The following GSE1 variants were observed in gnomAD, a reference collection of about 807,000 sequenced individuals.
GSE1 encodes the protein genetic suppressor element 1.
A neutral mutation model predicts 112.6 loss-of-function variants in GSE1; 32 were observed. The ratio of observed to expected loss-of-function variants is 0.28; its 90% CI spans 0.21 to 0.38. The LOEUF (loss-of-function observed/expected upper bound fraction) is 0.38, where lower values mean the gene tolerates loss of function less well. Ranked by LOEUF, GSE1 falls within the 10% of genes least tolerant of loss-of-function variation. The pLI is 1.00. For missense variants in GSE1, 2,348 were observed against 1,699.2 expected (o/e 1.38, Z -6.71); for synonymous variants, 1,115 against 735.6 (o/e 1.52, Z -8.35).
rs2053282994 is a variant in GSE1, at chr16:85,670,997, C to G, written c.3418C>G (p.Gln1140Glu). The G allele has an allele frequency of 6.2e-7, 1 of 1,601,948 alleles. No homozygotes were observed. Among genetic ancestry groups the G allele is most frequent in the Non-Finnish European group, 8.6e-7 (1 of 1,169,348 alleles). The change falls in exon 15 of 16, where the codon CAA (glutamine) becomes GAA (glutamate). Residue 1140 changes from glutamine (Q) to glutamate (E), a missense_variant and splice_region_variant. Transcript: ENST00000253458. ...FEAYQEHIEE[Q>E]NLERQVLQTQ... ...ATCACCATCTCCTGTCTTTTCAGAG[C>G]AAAATCTGGAGCGGCAGGTGTTACA... is the stretch of plus-strand genomic sequence containing the variant.
chr16:85,210,967 T>C (rs2075214562), intron 1 of GSE1, among the ~76,000 whole-genome samples: 1 of 152,244 alleles, frequency 6.6e-6, no homozygotes, highest in Non-Finnish European at 1.5e-5. Context: ...AGATGATCTT[T>C]GGGCCAGGAA....
intron 2 of GSE1, among the ~76,000 whole-genome samples, chr16:85,365,756 C>A (rs57577797): frequency 6.6e-6 from 1 of 152,252 alleles, no homozygotes; most frequent in African/African-American, 2.4e-5. Context: ...TCTCTCTCTT[C>A]TAGCCATGTG....
At chr16:85,222,587 T>A (rs1331117615) in intron 1 of GSE1, among the ~76,000 whole-genome samples, 3 of 152,210 alleles carry the variant, frequency 2.0e-5, no homozygotes, top group African/African-American at 7.2e-5. Context: ...CCAGCAGCCA[T>A]GCACCAACAT....
chr16:85,670,272 C>G (rs1435218239), intron 14 of GSE1, among the ~76,000 whole-genome samples: 1 of 152,198 alleles, frequency 6.6e-6, no homozygotes, highest in African/African-American at 2.4e-5. Context: ...ATTGTCTTGT[C>G]ACTCCAGTGC....
intron 1 of GSE1, among the ~76,000 whole-genome samples, chr16:85,557,127 T>C (rs1467911511): frequency 6.6e-6 from 1 of 152,052 alleles, no homozygotes; most frequent in African/African-American, 2.4e-5. Flanking sequence ...AAGTGTAGGC[T>C]ACATGGAAGC....
chr16:85,226,497 C>G (rs1378098665), intron 1 of GSE1, among the ~76,000 whole-genome samples: 1 of 152,222 alleles, frequency 6.6e-6, no homozygotes, highest in African/African-American at 2.4e-5. Context: ...CAGCATGTGA[C>G]TCTGCAGCCA....
chr16:85,583,498 G>GCCCCCCCCCC (rs1264093424), intron 1 of GSE1: 1 of 150,544 alleles, frequency 6.6e-6, no homozygotes, highest in African/African-American at 2.5e-5. Context: ...TTCCAGGACC[G>GCCCCCCCCCC]CCCCCCACCC....
At position 85,317,798 on chromosome 16, in the gene GSE1, G is replaced by A. The variant is rs543314952; in HGVS notation, c.2284-39665G>A. Reference sequence around the variant, plus strand: ...ATCCAGCACTCCCCTCCTAAGTGTGGGACCTGAGCTCTGAGCTCAGCTCCT... The same window carrying A: ...ATCCAGCACTCCCCTCCTAAGTGTGAGACCTGAGCTCTGAGCTCAGCTCCT... On this transcript the variant is annotated intron_variant, in intron 1 of 2. Transcript: ENST00000637419. Among the ~76,000 whole-genome samples the A allele has an allele frequency of 3.3e-5, 5 of 152,280 alleles. No homozygotes were observed. The South Asian group carries it at 1.0e-3, about 32-fold the overall frequency.
chr16:85,356,140 C>G (rs2151569289), intron 1 of GSE1, among the ~76,000 whole-genome samples: 1 of 152,366 alleles, frequency 6.6e-6, no homozygotes, highest in African/African-American at 2.4e-5. Flanking sequence ...GTTGGTCATT[C>G]CAAGTTCCAT....
rs968970956 is a variant in GSE1 at position 85,419,876 on chromosome 16, T to C, written c.2464+62233T>C. Among the ~76,000 whole-genome samples the C allele has an allele frequency of 2.0e-5, 3 of 151,728 alleles. No homozygotes were observed. The highest frequency in any genetic ancestry group is 2.9e-5 in the Non-Finnish European group (2 of 67,952). On this transcript the variant is annotated intron_variant, in intron 2 of 2. Transcript: ENST00000637419. This position sits in a 1 kb window ranked among gnomAD's most constrained non-coding sequence, Gnocchi z 6.5. ...GGCAGCCAGGGCTGACCACCACTGC[T>C]CTGGGAGGGTCAGAGTCGGGGGGAC...
At chr16:85,385,878 C>T (rs1422144910) in intron 2 of GSE1, among the ~76,000 whole-genome samples, 6 of 152,174 alleles carry the variant, frequency 3.9e-5, no homozygotes, top group Admixed American at 6.5e-5. Flanking sequence ...CAGCTTGAGA[C>T]GGGGCGTGCA....
chr16:85,355,763 A>G (rs956231968), intron 1 of GSE1, among the ~76,000 whole-genome samples: 6 of 152,192 alleles, frequency 3.9e-5, no homozygotes, highest in Non-Finnish European at 7.4e-5. Flanking sequence ...GCTCACACCT[A>G]TAATCCCAGC....
At chr16:85,402,779 G>A (rs952655806) in intron 2 of GSE1, among the ~76,000 whole-genome samples, 4 of 152,042 alleles carry the variant, frequency 2.6e-5, no homozygotes, top group East Asian at 1.9e-4. Context: ...AAAGTTATCC[G>A]GGTGTGGCTC....
chr16:85,661,803 G>A (rs1450599343), intron 9 of GSE1, 38 bp downstream of exon 9: 13 of 1,457,774 alleles, frequency 8.9e-6, no homozygotes, highest in Non-Finnish European at 8.2e-6. Context: ...CTCAGGGAGA[G>A]CCGCACAGTG....
intron 1 of GSE1, among the ~76,000 whole-genome samples, chr16:85,246,366 CA>C (rs1905752658): frequency 1.6e-5 from 2 of 126,260 alleles, no homozygotes; most frequent in Non-Finnish European, 3.3e-5. Context: ...CACACACACA[CA>C]CCACACGCTG....
rs772175137 is a variant in GSE1, at chr16:85,666,214, C to G, written c.2997C>G (p.Asp999Glu). The change falls in exon 13 of 16, where the codon GAC becomes GAG. Residue 999 changes from aspartate (D) to glutamate (E), a missense_variant. By Grantham distance (45) the Asp-to-Glu change is conservative. Transcript: ENST00000253458. ...LHYIRGAAPK[D>E]IPVPLSHSTN... ...ATATCCGGGGCGCTGCACCCAAGGACATTCCTGTGCCGCTGTCCCACAGCA... is the reference window on the plus strand; with the variant it reads ...ATATCCGGGGCGCTGCACCCAAGGAGATTCCTGTGCCGCTGTCCCACAGCA... 8 of 1,613,596 alleles carry G rather than the reference C, an allele frequency of 5.0e-6. No homozygotes were observed. Among genetic ancestry groups the G allele is most frequent in the Non-Finnish European group, 6.8e-6 (8 of 1,180,052 alleles).
intron 1 of GSE1, among the ~76,000 whole-genome samples, chr16:85,291,568 C>T (rs972379615): frequency 7.2e-5 from 11 of 152,246 alleles, no homozygotes; most frequent in South Asian, 6.2e-4. Context: ...GGCTCAGGGC[C>T]GGCTTGTGCG....
intron 3 of GSE1, among the ~76,000 whole-genome samples, chr16:85,653,622 G>A (rs534891366): frequency 1.3e-5 from 2 of 152,088 alleles, no homozygotes; most frequent in Admixed American, 1.3e-4. Flanking sequence ...GCCCCACCGT[G>A]TGTGTGAAGG....
intron 15 of GSE1, 159 bp from the exon 16 acceptor site, chr16:85,672,246 C>G (rs371327993): frequency 6.3e-5 from 39 of 621,566 alleles, no homozygotes; most frequent in Non-Finnish European, 9.5e-5. Flanking sequence ...CTGCCCGCCT[C>G]GACCTCCAAA....
Sources: allele counts gnomAD v4.1 joint callset (sites outside exome capture counted in the v4.1 genomes callset), GRCh38; gene constraint gnomAD v4.1.1; non-coding constraint Gnocchi (gnomAD v3.1); transcripts MANE v1.5; gene names NCBI Gene and HGNC (gene_info 2026-07-23, HGNC 2026-07-21).